PTPRT: variants seen among roughly 807,000 people sequenced by gnomAD.
PTPRT encodes receptor-type tyrosine-protein phosphatase T.
Under a neutral mutation model 176.8 loss-of-function variants are expected in PTPRT, and 56 were observed. The observed-to-expected ratio is 0.32, with a 90% CI of 0.26 to 0.40. The LOEUF is 0.40. PTPRT is among the 10% of genes least tolerant of loss of function. The probability of loss-of-function intolerance (pLI) is 1.00; values close to 1 mark genes in which losing one functional copy is unlikely to be tolerated. For missense variants in PTPRT, 1,540 were observed against 1,908.2 expected (o/e 0.81, Z 3.60); for synonymous variants, 783 against 739.0 (o/e 1.06, Z -0.96).
At chr20:42,503,560 A>T (rs374657226) in intron 7 of PTPRT, among the ~76,000 whole-genome samples, 1 of 152,064 alleles carries the variant, frequency 6.6e-6, no homozygotes, top group African/African-American at 2.4e-5. Flanking sequence ...TGCTGACTCA[A>T]AATTTTTGAG....
chr20:42,236,384 T>C lies in PTPRT; in HGVS notation c.2313-126A>G, dbSNP rs1021692339. 3 of 785,386 alleles carry C rather than the reference T, an allele frequency of 3.8e-6. No individual in the cohort carries two copies. The African/African-American group carries it at 5.2e-5, about 14-fold the overall frequency. The allele number at this position is 785,386 out of a possible 1,614,324, so 48.7% of individuals were successfully genotyped here. A position where few individuals can be genotyped will look rare whatever the true frequency, so the allele number is the denominator to read the frequency against. On this transcript the variant is annotated intron_variant, in intron 14 of 30. Coordinates refer to ENST00000373187, the MANE Select transcript of PTPRT (RefSeq NM_007050.6). ...TAGAAATGCACATATTATTTCAGCA[T>C]CCCTAAGCTCAAGGAGATGCAAGTT... is the stretch of plus-strand genomic sequence containing the variant.
intron 6 of PTPRT, among the ~76,000 whole-genome samples, chr20:42,696,181 A>G (rs2075872498): frequency 7.8e-6 from 1 of 128,530 alleles, no homozygotes; most frequent in African/African-American, 3.0e-5. Flanking sequence ...CTCTTTTTCT[A>G]TCTCCCAATC....
intron 7 of PTPRT, among the ~76,000 whole-genome samples, chr20:42,637,127 G>A (rs770264168): frequency 1.6e-4 from 24 of 152,128 alleles, no homozygotes; most frequent in Non-Finnish European, 3.2e-4. Context: ...CAGAGTTTCT[G>A]ATTCCATAGG....
chr20:42,992,467 CT>C (rs1364990220), intron 1 of PTPRT, among the ~76,000 whole-genome samples: 2 of 152,204 alleles, frequency 1.3e-5, no homozygotes, highest in Non-Finnish European at 2.9e-5. Flanking sequence ...AGCAAGGAAC[CT>C]AGCTGCCCTG....
chr20:42,315,699 T>C, intron 12 of PTPRT, 24 bp downstream of exon 12: 26 of 1,604,466 alleles, frequency 1.6e-5, no homozygotes, highest in Non-Finnish European at 2.1e-5. Context: ...AGGCAAGGAA[T>C]GGCCTCCATG....
the PTPRT span, among the ~76,000 whole-genome samples, chr20:42,049,912 C>T: frequency 1.3e-5 from 2 of 152,204 alleles, no homozygotes; most frequent in East Asian, 3.8e-4. Flanking sequence ...GGCTGATGCT[C>T]CCCATATAGT....
chr20:42,566,446 G>A (rs1418806463), intron 7 of PTPRT, among the ~76,000 whole-genome samples: 1 of 152,186 alleles, frequency 6.6e-6, no homozygotes, highest in African/African-American at 2.4e-5. Flanking sequence ...ACGTTTTTAA[G>A]AGGAGCTTTA....
At chr20:42,306,387 G>A (rs532235732) in intron 12 of PTPRT, among the ~76,000 whole-genome samples, 2 of 152,306 alleles carry the variant, frequency 1.3e-5, no homozygotes, top group African/African-American at 2.4e-5. Flanking sequence ...AGTCCACTGA[G>A]GACTGGGAAA....
chr20:42,210,500 A>G (rs1415852268), intron 15 of PTPRT, among the ~76,000 whole-genome samples: 1 of 152,168 alleles, frequency 6.6e-6, no homozygotes, highest in Non-Finnish European at 1.5e-5. Context: ...CTTATACACC[A>G]ACAGACAAAC....
intron 7 of PTPRT, among the ~76,000 whole-genome samples, chr20:42,590,411 T>C (rs747646314): frequency 1.3e-5 from 2 of 152,198 alleles, no homozygotes; most frequent in Non-Finnish European, 2.9e-5. Context: ...AATAGATAAC[T>C]GGAGCAAGCA....
intron 15 of PTPRT, among the ~76,000 whole-genome samples, chr20:42,234,375 G>A (rs967200553): frequency 3.3e-5 from 5 of 152,156 alleles, no homozygotes; most frequent in Non-Finnish European, 7.3e-5. Flanking sequence ...CGATAGAGGC[G>A]GGACATGAGC....
chr20:42,746,782 A>G (rs2076696677), intron 6 of PTPRT, among the ~76,000 whole-genome samples: 1 of 152,158 alleles, frequency 6.6e-6, no homozygotes, highest in African/African-American at 2.4e-5. Context: ...GGGTTCCAGG[A>G]AAGTCAAGAT....
At chr20:42,154,902 A>G (rs910004770) in intron 17 of PTPRT, among the ~76,000 whole-genome samples, 1 of 152,308 alleles carries the variant, frequency 6.6e-6, no homozygotes, top group South Asian at 2.1e-4. Context: ...GCTGTGGTTC[A>G]GAATCACATG....
chr20:42,051,307 C>G, the PTPRT span, among the ~76,000 whole-genome samples: 5 of 152,256 alleles, frequency 3.3e-5, no homozygotes, highest in Admixed American at 2.0e-4. Flanking sequence ...TTCCCACTGT[C>G]TTAGTTGGGT....
chr20:42,181,777 C>A (rs531301972), intron 16 of PTPRT, among the ~76,000 whole-genome samples: 1 of 152,232 alleles, frequency 6.6e-6, no homozygotes, highest in Admixed American at 6.5e-5. Context: ...GTTGTCTATG[C>A]AATCATGGTT....
intron 1 of PTPRT, among the ~76,000 whole-genome samples, chr20:43,001,450 C>A (rs1984545615): frequency 6.6e-6 from 1 of 150,754 alleles, no homozygotes. Context: ...GTGGGTATTC[C>A]CTATAGCAAA....
intron 1 of PTPRT, among the ~76,000 whole-genome samples, chr20:43,078,764 G>A (rs750320957): frequency 2.0e-4 from 30 of 152,166 alleles, no homozygotes; most frequent in Non-Finnish European, 4.0e-4. Context: ...ACAACCAGTT[G>A]CAATATTAAT....
At chr20:42,696,621 AATTTTTTGT>A (rs1180919217) in intron 6 of PTPRT, among the ~76,000 whole-genome samples, 1 of 151,764 alleles carries the variant, frequency 6.6e-6, no homozygotes, top group Non-Finnish European at 1.5e-5. Context: ...ACACCCGGCT[AATTTTTTGT>A]ATTTTTTGTA....
intron 7 of PTPRT, among the ~76,000 whole-genome samples, chr20:42,549,523 G>A (rs1353052623): frequency 2.6e-5 from 4 of 152,134 alleles, no homozygotes; most frequent in South Asian, 2.1e-4. Context: ...GTGTACCAAT[G>A]TGATTGAATG....
Sources: gnomAD v4.1 joint callset for allele counts (sites outside exome capture counted in the v4.1 genomes callset) on GRCh38, gnomAD v4.1.1 for gene constraint, MANE v1.5 for transcripts, NCBI Gene and HGNC (gene_info 2026-07-23, HGNC 2026-07-21) for gene names.